The following SGCD variants were observed in gnomAD, a reference collection of about 807,000 sequenced individuals.
The protein encoded by SGCD is delta-sarcoglycan.
A neutral mutation model predicts 36.6 loss-of-function variants in SGCD; 18 were observed. The ratio of observed to expected loss-of-function variants is 0.49; its 90% CI spans 0.34 to 0.73. The LOEUF is 0.73. Ranked by LOEUF, SGCD falls within the 30% of genes least tolerant of loss-of-function variation. The pLI is 0.01. For missense variants in SGCD, 387 were observed against 346.7 expected (o/e 1.12, Z -0.92); for synonymous variants, 133 against 130.6 (o/e 1.02, Z -0.12).
chr5:156,464,953 A>G (rs1754656030), intron 3 of SGCD, among the ~76,000 whole-genome samples: 1 of 152,156 alleles, frequency 6.6e-6, no homozygotes, highest in Non-Finnish European at 1.5e-5. Flanking sequence ...TTGAACCAAA[A>G]TGCTACTTAG....
intron 3 of SGCD, among the ~76,000 whole-genome samples, chr5:156,506,353 TCACA>T (rs886762481): frequency 2.0e-5 from 3 of 150,532 alleles, no homozygotes; most frequent in South Asian, 2.1e-4. Context: ...AAACACACAC[TCACA>T]CACACACACA....
intron 1 of SGCD, among the ~76,000 whole-genome samples, chr5:155,931,793 C>T (rs1338212195): frequency 6.6e-6 from 1 of 152,180 alleles, no homozygotes; most frequent in Non-Finnish European, 1.5e-5. Context: ...TGCAAATCTC[C>T]TTAGTCCATT....
At chr5:156,013,222 A>G (rs1385060108) in intron 1 of SGCD, among the ~76,000 whole-genome samples, 2 of 151,656 alleles carry the variant, frequency 1.3e-5, no homozygotes, top group African/African-American at 4.8e-5. Context: ...ATGGAGTTTC[A>G]CCATGTTGGC....
intron 6 of SGCD, among the ~76,000 whole-genome samples, chr5:156,602,492 C>T (rs750465131): frequency 6.6e-6 from 1 of 152,074 alleles, no homozygotes; most frequent in Non-Finnish European, 1.5e-5. Context: ...TCCTGTACTT[C>T]GTTGAATACA....
chr5:156,096,707 G>A (rs1291893896), intron 1 of SGCD, among the ~76,000 whole-genome samples: 2 of 152,170 alleles, frequency 1.3e-5, no homozygotes, highest in Admixed American at 6.5e-5. Flanking sequence ...GTGCCTGGTG[G>A]AAGGAAAGAA....
At chr5:156,758,160 T>C (rs1481724940) in intron 8 of SGCD, 1 of 207,118 alleles carries the variant, frequency 4.8e-6, no homozygotes, top group African/African-American at 2.3e-5. Context: ...GCCAAAACTT[T>C]ATAGGGTAAG....
chr5:155,962,511 G>A (rs1326006361), intron 1 of SGCD, among the ~76,000 whole-genome samples: 1 of 152,088 alleles, frequency 6.6e-6, no homozygotes, highest in African/African-American at 2.4e-5. Context: ...AGTCCTGCAA[G>A]CTCCTGCATC....
chr5:156,032,706 C>CAAAAAAAAAAAA (rs1171072619), intron 1 of SGCD, among the ~76,000 whole-genome samples: 192 of 15,064 alleles, frequency 0.013, 50 homozygotes, highest in African/African-American at 0.027. Flanking sequence ...GACTCCGTCT[C>CAAAAAAAAAAAA]AAAAAAAAAA....
chr5:156,089,050 A>G (rs1264649708), intron 1 of SGCD, among the ~76,000 whole-genome samples: 1 of 152,208 alleles, frequency 6.6e-6, no homozygotes, highest in East Asian at 1.9e-4. Flanking sequence ...GAACAGGTAA[A>G]GAAGCTCATC....
chr5:156,282,618 G>A (rs1463521807), intron 3 of SGCD, among the ~76,000 whole-genome samples: 1 of 152,118 alleles, frequency 6.6e-6, no homozygotes, highest in Admixed American at 6.5e-5. Context: ...TAATATGGTT[G>A]GATGCTATTA....
intron 1 of SGCD, among the ~76,000 whole-genome samples, chr5:155,871,765 G>A (rs1755661452): frequency 6.6e-6 from 1 of 152,184 alleles, no homozygotes; most frequent in African/African-American, 2.4e-5. Context: ...CACGTTTAAG[G>A]AATGGCTGGT....
At chr5:156,199,459 G>A (rs1324054090) in intron 3 of SGCD, among the ~76,000 whole-genome samples, 1 of 152,092 alleles carries the variant, frequency 6.6e-6, no homozygotes, top group African/African-American at 2.4e-5. Flanking sequence ...CTCAGGAAAT[G>A]GGACTTAAAA....
chr5:156,516,151 G>A (rs183388136), intron 4 of SGCD, among the ~76,000 whole-genome samples: 69 of 152,360 alleles, frequency 4.5e-4, no homozygotes, highest in Middle Eastern at 6.8e-3. Flanking sequence ...CAAAACACCC[G>A]CTCTGCCAAA....
rs188034931 is a variant in SGCD, at chr5:156,759,741, C to G, written c.*351C>G. The G allele has an allele frequency of 6.6e-6, 1 of 152,254 alleles. No individual in the cohort carries two copies. The highest frequency in any genetic ancestry group is 1.5e-5 in the Non-Finnish European group (1 of 68,050). The allele number at this position is 152,254 out of a possible 1,614,324, so 9.4% of individuals were successfully genotyped here. On this transcript the variant is annotated 3_prime_UTR_variant, in exon 9 of 9. Coordinates refer to ENST00000337851, the MANE Select transcript of SGCD (RefSeq NM_000337.6). Reference sequence around the variant, plus strand: ...ATTCCCCAGACCATTCAGAATCACACAGCGTATTAAACACTGACAGAATCT... The same window carrying G: ...ATTCCCCAGACCATTCAGAATCACAGAGCGTATTAAACACTGACAGAATCT...
intron 3 of SGCD, among the ~76,000 whole-genome samples, chr5:156,401,782 A>G (rs919162915): frequency 2.6e-5 from 4 of 152,160 alleles, no homozygotes; most frequent in African/African-American, 9.7e-5. Flanking sequence ...TTCATAAACT[A>G]TACATAAATT....
chr5:156,619,967 G>A (rs1440578416), intron 6 of SGCD, among the ~76,000 whole-genome samples: 1 of 152,166 alleles, frequency 6.6e-6, no homozygotes, highest in Non-Finnish European at 1.5e-5. Context: ...CCAAACAAAG[G>A]AAGAAAGGAG....
intron 3 of SGCD, among the ~76,000 whole-genome samples, chr5:156,315,880 C>T (rs550590819): frequency 1.4e-4 from 21 of 151,730 alleles, no homozygotes; most frequent in Non-Finnish European, 2.9e-4. Context: ...ATATCTTTGC[C>T]CATTTTTATT....
chr5:155,881,881 C>A (rs1755895888), intron 1 of SGCD, among the ~76,000 whole-genome samples: 1 of 152,150 alleles, frequency 6.6e-6, no homozygotes, highest in Non-Finnish European at 1.5e-5. Context: ...CCATAAGAAG[C>A]AACTGCTCAT....
At chr5:155,822,003 A>G in the SGCD span, among the ~76,000 whole-genome samples, 1 of 152,178 alleles carries the variant, frequency 6.6e-6, no homozygotes, top group Non-Finnish European at 1.5e-5. Flanking sequence ...TTATTTTCTA[A>G]ATTTTACTTA....
Sources: gnomAD v4.1 joint callset for allele counts (sites outside exome capture counted in the v4.1 genomes callset) on GRCh38, gnomAD v4.1.1 for gene constraint, MANE v1.5 for transcripts, NCBI Gene and HGNC (gene_info 2026-07-23, HGNC 2026-07-21) for gene names.